ARHGEF7: variants seen among roughly 807,000 people sequenced by gnomAD.
The protein encoded by ARHGEF7 is PAK-interacting exchange factor beta.
A neutral mutation model predicts 109.8 loss-of-function variants in ARHGEF7; 33 were observed. That is an observed-to-expected ratio of 0.30 (90% CI 0.23 to 0.40). ARHGEF7 has a LOEUF of 0.40. Among genes scored for constraint, ARHGEF7 ranks in the 10% least tolerant of loss-of-function variants. The pLI, the probability that ARHGEF7 is intolerant of heterozygous loss-of-function variation, is 1.00. For synonymous variants in ARHGEF7, 458 were observed against 424.6 expected (o/e 1.08, Z -0.97); for missense variants, 938 against 1,098.5 (o/e 0.85, Z 2.07).
At chr13:111,153,563 G>C (rs1174233668) in intron 1 of ARHGEF7, 8 of 1,014,374 alleles carry the variant, frequency 7.9e-6, no homozygotes, top group African/African-American at 1.7e-5. Context: ...GCAAAGCAGG[G>C]TGGGCTGCGT....
At position 111,144,360 on chromosome 13, in the gene ARHGEF7, A is replaced by G. The variant is rs553252137; in HGVS notation, c.166-9545A>G. ...AAACGACTTGCTTAGTATGCTGAAGACTTTTTGGGGGAGCAGCTTACTTAT... is the reference window on the plus strand; with the variant it reads ...AAACGACTTGCTTAGTATGCTGAAGGCTTTTTGGGGGAGCAGCTTACTTAT... On this transcript the variant is annotated intron_variant, in intron 1 of 21. Transcript: ENST00000646102. 4 of 152,352 alleles carry G rather than the reference A, an allele frequency of 2.6e-5. No individual in the cohort carries two copies. The South Asian group carries it at 8.3e-4, about 32-fold the overall frequency. 9.4% of individuals were successfully genotyped at this position (152,352 alleles called of 1,614,324 possible).
chr13:111,277,731 C>CTTTGAA lies in ARHGEF7; in HGVS notation c.1506+62_1506+67dup, dbSNP rs2092567128. 10 of 1,259,654 alleles carry CTTTGAA rather than the reference C, an allele frequency of 7.9e-6. No individual in the cohort carries two copies. The Admixed American group carries it at 1.7e-4, about 22-fold the overall frequency. The allele number at this position is 1,259,654 out of a possible 1,614,324, so 78.0% of individuals were successfully genotyped here. On this transcript the variant is annotated intron_variant, in intron 13 of 21. Transcript: ENST00000646102. ...GGATCTGAGGATAATTTCAAACTGGCTTTGAATTTTGTGTTAAATATTACG... is the reference window on the plus strand; with the variant it reads ...GGATCTGAGGATAATTTCAAACTGGCTTTGAATTTGAATTTTGTGTTAAATATTACG...
chr13:111,247,414 G>A (rs550346156), intron 8 of ARHGEF7, among the ~76,000 whole-genome samples: 5 of 152,040 alleles, frequency 3.3e-5, no homozygotes, highest in East Asian at 1.9e-4. Context: ...GATTACAGGC[G>A]TGCGCCACCA....
chr13:111,296,211 C>T (rs919283583), intron 19 of ARHGEF7, among the ~76,000 whole-genome samples: 8 of 149,218 alleles, frequency 5.4e-5, no homozygotes, highest in Non-Finnish European at 8.8e-5. Flanking sequence ...GTTTCTTAAA[C>T]GAAGTTCCAT....
At chr13:111,211,827 C>G (rs566317686) in intron 4 of ARHGEF7, among the ~76,000 whole-genome samples, 1 of 152,360 alleles carries the variant, frequency 6.6e-6, no homozygotes, top group South Asian at 2.1e-4. Context: ...GGCCACCTGT[C>G]ACTCTCTCCT....
intron 2 of ARHGEF7, among the ~76,000 whole-genome samples, chr13:111,194,897 AT>A (rs775813179): frequency 8.5e-5 from 13 of 152,210 alleles, no homozygotes; most frequent in Non-Finnish European, 1.9e-4. Flanking sequence ...ATAGTGAATC[AT>A]TCTGCTTCCT....
intron 2 of ARHGEF7, among the ~76,000 whole-genome samples, chr13:111,199,353 A>G (rs1052150136): frequency 6.6e-6 from 1 of 151,838 alleles, no homozygotes; most frequent in African/African-American, 2.4e-5. Flanking sequence ...TTGTCTGCTG[A>G]AGCCTTTTTA....
At chr13:111,138,210 G>A (rs1016597879) in intron 1 of ARHGEF7, among the ~76,000 whole-genome samples, 13 of 152,138 alleles carry the variant, frequency 8.5e-5, no homozygotes, top group Non-Finnish European at 1.9e-4. Flanking sequence ...CTACTCGGGG[G>A]GCTAAGGCTG....
intron 9 of ARHGEF7, among the ~76,000 whole-genome samples, chr13:111,269,906 T>C (rs2091998639): frequency 6.6e-6 from 1 of 152,216 alleles, no homozygotes; most frequent in South Asian, 2.1e-4. Context: ...TCTTGCCAGC[T>C]TTTCCATGTG....
At chr13:111,172,450 C>T (rs879480087) in intron 2 of ARHGEF7, among the ~76,000 whole-genome samples, 2 of 152,194 alleles carry the variant, frequency 1.3e-5, no homozygotes, top group East Asian at 3.8e-4. Context: ...TTCCAAGTCA[C>T]GTGGTGGTGC....
At chr13:111,263,914 T>C (rs904497289) in intron 8 of ARHGEF7, among the ~76,000 whole-genome samples, 1 of 152,242 alleles carries the variant, frequency 6.6e-6, no homozygotes, top group East Asian at 1.9e-4. Flanking sequence ...CACTTTAAGG[T>C]AGAGACTGTT....
At chr13:111,206,973 A>AG (rs2081961976) in intron 3 of ARHGEF7, among the ~76,000 whole-genome samples, 1 of 141,066 alleles carries the variant, frequency 7.1e-6, no homozygotes, top group Non-Finnish European at 1.6e-5. Context: ...AAAAAAAAAA[A>AG]AAGAAAAAGA....
Position 111,301,574 on chromosome 13 carries a change from A to G in ARHGEF7, c.2466+42A>G, listed in dbSNP as rs766771315. On this transcript the variant is annotated intron_variant, in intron 21 of 21. Transcript: ENST00000646102. ...CTTTAAATCTTTTTTTTCTTTTCAA[A>G]TGGGAGAAAAGAAGAAAATTACATT... 4.3e-5 allele frequency: 65 copies of G among 1,507,446 alleles called. No homozygotes were observed. The Middle Eastern group carries it at 5.1e-4, about 12-fold the overall frequency. The allele number at this position is 1,507,446 out of a possible 1,614,324, so 93.4% of individuals were successfully genotyped here. A position where few individuals can be genotyped will look rare whatever the true frequency, so the allele number is the denominator to read the frequency against.
At chr13:111,219,417 C>T (rs930049681) in intron 5 of ARHGEF7, among the ~76,000 whole-genome samples, 3 of 152,150 alleles carry the variant, frequency 2.0e-5, no homozygotes, top group African/African-American at 7.2e-5. Flanking sequence ...TTACTTTCAC[C>T]TCTTGGCTAT....
At chr13:111,116,558 CG>C (rs1386908740) in intron 1 of ARHGEF7, 3 of 8,894 alleles carry the variant, frequency 3.4e-4, no homozygotes, top group African/African-American at 1.1e-3. Flanking sequence ...GGTGTTTCTT[CG>C]GGGGGTGGGG....
At chr13:111,226,526 G>A (rs1318754499) in intron 5 of ARHGEF7, among the ~76,000 whole-genome samples, 1 of 152,194 alleles carries the variant, frequency 6.6e-6, no homozygotes, top group Non-Finnish European at 1.5e-5. Context: ...AACAAAGCCT[G>A]GATGGTGGCA....
chr13:111,284,341 G>T (rs1023022994), intron 16 of ARHGEF7, among the ~76,000 whole-genome samples: 1 of 152,208 alleles, frequency 6.6e-6, no homozygotes. Flanking sequence ...AGTACTGTAT[G>T]AGAAATTAGG....
Position 111,272,255 on chromosome 13 carries a change from T to C in ARHGEF7, c.1074-1559T>C, listed in dbSNP as rs1437536531. On this transcript the variant is annotated intron_variant, in intron 9 of 21. Transcript: ENST00000646102. This position sits in a 1 kb window ranked among gnomAD's most constrained non-coding sequence, Gnocchi z 5.2. The stretch of plus-strand genomic sequence containing the variant: ...GGGAAGCTGTGTTTAGGTTGAACTC[T>C]CTGAAACTGTTAATGTTCACTATTT... Among the ~76,000 whole-genome samples, 1 of 152,252 alleles carries C rather than the reference T, an allele frequency of 6.6e-6. No homozygotes were observed. The highest frequency in any genetic ancestry group is 1.5e-5 in the Non-Finnish European group (1 of 68,044).
chr13:111,165,959 G>A (rs1236347465), intron 2 of ARHGEF7, among the ~76,000 whole-genome samples: 2 of 152,214 alleles, frequency 1.3e-5, no homozygotes, highest in Admixed American at 1.3e-4. Flanking sequence ...TGGTGGTAGA[G>A]TGGCCTTAAA....
Sources: gnomAD v4.1 joint callset for allele counts (sites outside exome capture counted in the v4.1 genomes callset) on GRCh38, gnomAD v4.1.1 for gene constraint, Gnocchi (gnomAD v3.1) non-coding constraint, MANE v1.5 for transcripts, NCBI Gene and HGNC (gene_info 2026-07-23, HGNC 2026-07-21) for gene names.